ASPG: variants seen among roughly 807,000 people sequenced by gnomAD.
The protein encoded by ASPG is 60 kDa lysophospholipase.
A neutral mutation model predicts 63.2 loss-of-function variants in ASPG; 53 were observed. The observed-to-expected ratio is 0.84, with a 90% CI of 0.67 to 1.05. The LOEUF (loss-of-function observed/expected upper bound fraction) is 1.05, where lower values mean the gene tolerates loss of function less well. Among genes scored for constraint, ASPG ranks in the 50% least tolerant of loss-of-function variants. ASPG has a pLI of 0.00. For synonymous variants in ASPG, 370 were observed against 355.0 expected, an observed-to-expected ratio of 1.04 and a Z score of -0.48; for missense variants, 741 against 794.4, an observed-to-expected ratio of 0.93 and a Z score of 0.81.
chr14:104,087,745 C>T (rs940527436), intron 1 of ASPG, among the ~76,000 whole-genome samples: 1 of 152,208 alleles, frequency 6.6e-6, no homozygotes, highest in Non-Finnish European at 1.5e-5. Flanking sequence ...GTCCGAGCTG[C>T]AGGGGCAGGT....
intron 1 of ASPG, among the ~76,000 whole-genome samples, chr14:104,087,834 C>A (rs553061794): frequency 1.3e-5 from 2 of 152,218 alleles, no homozygotes; most frequent in African/African-American, 2.4e-5. Flanking sequence ...TGCACTCACA[C>A]GCGTGCACCG....
At position 104,097,565 on chromosome 14, in the gene ASPG, T is replaced by C; in HGVS notation, c.441T>C (p.His147=). ...VILTGAQVPI[H]ALWSDGRENL... ...GGCCTCTCCCCCAGGTGCCCATCCATGCCCTGTGGAGCGACGGCCGTGAGA... is the reference window on the plus strand; with the variant it reads ...GGCCTCTCCCCCAGGTGCCCATCCACGCCCTGTGGAGCGACGGCCGTGAGA... Residue 147 remains histidine, a synonymous_variant, in exon 5 of 16, where the codon CAT becomes CAC. Coordinates refer to ENST00000551177, the MANE Select transcript of ASPG (RefSeq NM_001080464.3). 6.4e-7 allele frequency: 1 copy of C among 1,554,826 alleles called. No homozygotes were observed. Among genetic ancestry groups the C allele is most frequent in the Non-Finnish European group, 8.7e-7 (1 of 1,149,564 alleles).
chr14:104,108,844 T>G, intron 12 of ASPG: 1 of 985,326 alleles, frequency 1.0e-6, no homozygotes, highest in Non-Finnish European at 1.2e-6. Flanking sequence ...TCAGCTCATG[T>G]AAGGCTGTCC....
chr14:104,094,150 G>A (rs1188005379), intron 3 of ASPG, among the ~76,000 whole-genome samples: 3 of 152,096 alleles, frequency 2.0e-5, no homozygotes, highest in African/African-American at 4.8e-5. Context: ...CCCCATGCAA[G>A]CTGGGGGTGG....
Position 104,112,885 on chromosome 14 carries a change from A to C in ASPG, c.*341A>C. The C allele has an allele frequency of 2.8e-6, 1 of 356,014 alleles. No homozygotes were observed. Among genetic ancestry groups the C allele is most frequent in the South Asian group, 3.0e-5 (1 of 32,884 alleles). The allele number at this position is 356,014 out of a possible 1,614,324, so 22.1% of individuals were successfully genotyped here. ...TGGGGTGCATGGACGTGACTTGGCC[A>C]AGTGGTCCTTTCCCAGCTGCCACTC... is the stretch of plus-strand genomic sequence containing the variant. On this transcript the variant is annotated 3_prime_UTR_variant, in exon 16 of 16. Transcript: ENST00000551177.
chr14:104,108,997 G>C, intron 12 of ASPG: 7 of 985,418 alleles, frequency 7.1e-6, no homozygotes, highest in Non-Finnish European at 8.4e-6. Flanking sequence ...GACCTCAGCT[G>C]CCCTAAGAAG....
chr14:104,104,632 G>A lies in ASPG; in HGVS notation c.947G>A (p.Gly316Glu). The A allele has an allele frequency of 6.2e-7, 1 of 1,608,904 alleles. No homozygotes were observed. The highest frequency in any genetic ancestry group is 8.5e-7 in the Non-Finnish European group (1 of 1,177,526). Reference protein sequence around the residue: ...TDYAAGMAMAGAGVISGFDMT... With the variant: ...TDYAAGMAMAEAGVISGFDMT... ...GCCCCCTCCTCACAGGCCATGGCGG[G>A]AGCCGGCGTCATCTCAGGCTTCGAC... The change falls in exon 9 of 16, where the codon GGA becomes GAA. Residue 316 changes from glycine (G) to glutamate (E), a missense_variant. Gly to Glu is a moderately conservative substitution (Grantham distance 98, BLOSUM62 -2). Transcript: ENST00000551177.
At chr14:104,111,242 C>A (rs191802847) in intron 13 of ASPG, 2 of 939,382 alleles carry the variant, frequency 2.1e-6, no homozygotes, top group African/African-American at 3.5e-5. Context: ...GCTGTGTATG[C>A]TGCTGTGTGT....
intron 9 of ASPG, 25 bp downstream of exon 9, chr14:104,104,760 C>A: frequency 6.4e-7 from 1 of 1,558,100 alleles, no homozygotes; most frequent in East Asian, 2.3e-5. Flanking sequence ...GGGCTGTGGG[C>A]AACCCTCGGT....
At position 104,108,262 on chromosome 14, in the gene ASPG, G is replaced by A. The variant is rs560452823; in HGVS notation, c.1433+917G>A. 5.0e-4 allele frequency: 103 copies of A among 206,692 alleles called. No individual in the cohort carries two copies. The Middle Eastern group carries it at 7.0e-3, about 14-fold the overall frequency. The allele number at this position is 206,692 out of a possible 1,614,324, so 12.8% of individuals were successfully genotyped here. On this transcript the variant is annotated intron_variant, in intron 12 of 15. Coordinates refer to ENST00000551177, the MANE Select transcript of ASPG (RefSeq NM_001080464.3). Reference sequence around the variant, plus strand: ...ACAGGGTGGTGGACAGGAGGGGGCGGGGCTGTGAGGGTCCCCCCGAGCAGG... The same window carrying A: ...ACAGGGTGGTGGACAGGAGGGGGCGAGGCTGTGAGGGTCCCCCCGAGCAGG...
intron 10 of ASPG, among the ~76,000 whole-genome samples, chr14:104,106,327 G>C (rs1008081437): frequency 1.3e-5 from 2 of 152,254 alleles, no homozygotes; most frequent in African/African-American, 4.8e-5. Flanking sequence ...GCGGCCTTTT[G>C]GCGTCTTGGG....
chr14:104,109,854 G>A lies in ASPG; in HGVS notation c.1520+539G>A, dbSNP rs1029985489. 6.6e-6 allele frequency among the ~76,000 whole-genome samples: 1 copy of A among 152,120 alleles called. No homozygotes were observed. The highest frequency in any genetic ancestry group is 1.5e-5 in the Non-Finnish European group (1 of 68,020). ...GCCGCATGGCACCAGTGGCCAGTGT[G>A]CCTTCCGATCTCATGCTGCCGAGTG... On this transcript the variant is annotated intron_variant, in intron 13 of 15. Transcript: ENST00000551177. The surrounding 1 kb of genome is among the most constrained non-coding windows in gnomAD (Gnocchi z 4.8).
chr14:104,105,172 A>T (rs1042503520), intron 9 of ASPG, 156 bp from the exon 10 acceptor site: 19 of 1,194,346 alleles, frequency 1.6e-5, no homozygotes, highest in African/African-American at 1.4e-4. Flanking sequence ...TTGGGAGGGG[A>T]CCCAGCCCGC....
chr14:104,111,775 G>C, intron 14 of ASPG, 145 bp from the exon 15 acceptor site: 3 of 970,994 alleles, frequency 3.1e-6, no homozygotes. Context: ...GGCTCTGAGT[G>C]GTGGGGGTGA....
Position 104,097,550 on chromosome 14 carries a change from C to G in ASPG, c.430-4C>G. The G allele has an allele frequency of 1.3e-6, 2 of 1,551,738 alleles. No homozygotes were observed. Among genetic ancestry groups the G allele is most frequent in the Non-Finnish European group, 1.7e-6 (2 of 1,147,834 alleles). On this transcript the variant is annotated splice_region_variant and splice_polypyrimidine_tract_variant and intron_variant, in intron 4 of 15. Coordinates refer to ENST00000551177, the MANE Select transcript of ASPG (RefSeq NM_001080464.3). ...CCTCAGCTACTCCGTGGCCTCTCCC[C>G]CAGGTGCCCATCCATGCCCTGTGGA...
At chr14:104,105,671 C>T (rs1185887715) in intron 10 of ASPG, among the ~76,000 whole-genome samples, 8 of 152,208 alleles carry the variant, frequency 5.3e-5, no homozygotes, top group Non-Finnish European at 1.2e-4. Flanking sequence ...AGGCGGTGGG[C>T]ACACAGCAGG....
chr14:104,112,682 CG>C lies in ASPG; in HGVS notation c.*140del, dbSNP rs2037415905. On this transcript the variant is annotated 3_prime_UTR_variant, in exon 16 of 16. Coordinates refer to ENST00000551177, the MANE Select transcript of ASPG (RefSeq NM_001080464.3). ...GCCTGAAGGCCTTTGTTGGGCAGGA[CG>C]GCAATAAAGTCTCTGACATCCCCTC... 12 of 1,528,910 alleles carry C rather than the reference CG, an allele frequency of 7.8e-6. No individual in the cohort carries two copies. The highest frequency in any genetic ancestry group is 1.1e-5 in the Non-Finnish European group (12 of 1,140,850). The allele number at this position is 1,528,910 out of a possible 1,614,324, so 94.7% of individuals were successfully genotyped here. A position where few individuals can be genotyped will look rare whatever the true frequency, so the allele number is the denominator to read the frequency against.
intron 2 of ASPG, chr14:104,092,982 C>G (rs1012371365): frequency 2.7e-5 from 15 of 558,934 alleles, no homozygotes; most frequent in Admixed American, 6.1e-5. Flanking sequence ...CACCCCCAGC[C>G]AGGCTGCTTC....
chr14:104,108,831 C>T (rs913620177), intron 12 of ASPG: 11 of 985,248 alleles, frequency 1.1e-5, no homozygotes, highest in Admixed American at 1.2e-4. Flanking sequence ...GCAGTGGGGC[C>T]GGTCAGCTCA....
Sources: allele counts gnomAD v4.1 joint callset (sites outside exome capture counted in the v4.1 genomes callset), GRCh38; gene constraint gnomAD v4.1.1; non-coding constraint Gnocchi (gnomAD v3.1); transcripts MANE v1.5; gene names NCBI Gene and HGNC (gene_info 2026-07-23, HGNC 2026-07-21).